MAF: variants seen among roughly 807,000 people sequenced by gnomAD.
MAF encodes transcription factor Maf.
Under a neutral mutation model 22.0 loss-of-function variants are expected in MAF, and 10 were observed. The ratio of observed to expected loss-of-function variants is 0.45; its 90% CI spans 0.28 to 0.77. The LOEUF (loss-of-function observed/expected upper bound fraction) is 0.77, where lower values mean the gene tolerates loss of function less well. Among genes scored for constraint, MAF ranks in the 30% least tolerant of loss-of-function variants. The pLI, the probability that MAF is intolerant of heterozygous loss-of-function variation, is 0.12. For missense variants in MAF, 544 were observed against 548.4 expected (o/e 0.99, Z 0.08); for synonymous variants, 337 against 255.8 (o/e 1.32, Z -3.03).
chr16:79,216,752 A>C, the MAF span, among the ~76,000 whole-genome samples: 1 of 151,794 alleles, frequency 6.6e-6, no homozygotes, highest in African/African-American at 2.4e-5. Flanking sequence ...CTCTGTGTAC[A>C]TATATGTGTG....
the MAF span, among the ~76,000 whole-genome samples, chr16:79,580,314 G>C: frequency 1.3e-5 from 2 of 152,144 alleles, no homozygotes; most frequent in African/African-American, 4.8e-5. Flanking sequence ...TTGTCAGGAT[G>C]CTACCAAGTG....
At chr16:79,416,188 G>A in the MAF span, among the ~76,000 whole-genome samples, 2 of 152,104 alleles carry the variant, frequency 1.3e-5, no homozygotes, top group African/African-American at 2.4e-5. Context: ...GTTAGACAAC[G>A]ACACCACCAG....
the MAF span, among the ~76,000 whole-genome samples, chr16:79,530,815 C>A: frequency 6.6e-6 from 1 of 152,220 alleles, no homozygotes; most frequent in East Asian, 1.9e-4. Flanking sequence ...TAATTGTTAT[C>A]CTGGAGATAG....
downstream of MAF, among the ~76,000 whole-genome samples, chr16:79,590,570 C>A (rs1445224153): frequency 6.6e-6 from 1 of 152,098 alleles, no homozygotes; most frequent in East Asian, 1.9e-4. Context: ...TGGGATTGGA[C>A]AGGAGTCAGG....
At chr16:79,522,603 G>C in the MAF span, among the ~76,000 whole-genome samples, 1 of 152,188 alleles carries the variant, frequency 6.6e-6, no homozygotes, top group African/African-American at 2.4e-5. Context: ...AAGCCAGGGA[G>C]ACAAATGCAT....
chr16:79,523,802 C>A, the MAF span, among the ~76,000 whole-genome samples: 1 of 152,170 alleles, frequency 6.6e-6, no homozygotes, highest in Non-Finnish European at 1.5e-5. Flanking sequence ...GCATCGTTAT[C>A]CAGCAAAGCC....
At chr16:79,313,928 C>G in the MAF span, among the ~76,000 whole-genome samples, 1 of 152,288 alleles carries the variant, frequency 6.6e-6, no homozygotes, top group East Asian at 1.9e-4. Context: ...GGACTAGCAC[C>G]TACGTTCACA....
chr16:79,332,420 C>G, the MAF span, among the ~76,000 whole-genome samples: 1 of 152,176 alleles, frequency 6.6e-6, no homozygotes, highest in African/African-American at 2.4e-5. Flanking sequence ...CGTGCCTCAG[C>G]CTCCCGAGTA....
chr16:79,548,019 C>T, the MAF span, among the ~76,000 whole-genome samples: 2 of 152,084 alleles, frequency 1.3e-5, no homozygotes, highest in African/African-American at 2.4e-5. Flanking sequence ...AACAGGTTCA[C>T]ACACACAAAA....
the MAF span, among the ~76,000 whole-genome samples, chr16:79,576,562 C>A: frequency 3.4e-5 from 5 of 148,346 alleles, no homozygotes; most frequent in Admixed American, 2.0e-4. Context: ...TTTTTTTTTT[C>A]AGAGGAGGGC....
At chr16:79,258,446 G>C in the MAF span, among the ~76,000 whole-genome samples, 1 of 152,200 alleles carries the variant, frequency 6.6e-6, no homozygotes, top group Non-Finnish European at 1.5e-5. Flanking sequence ...TCCAGGGAGA[G>C]CCTTGTGGGG....
chr16:79,410,532 G>T, the MAF span, among the ~76,000 whole-genome samples: 11 of 152,122 alleles, frequency 7.2e-5, no homozygotes, highest in Non-Finnish European at 1.3e-4. Flanking sequence ...CGTGCCCTGC[G>T]CTGGGTACAT....
chr16:79,252,512 T>C, the MAF span, among the ~76,000 whole-genome samples: 1 of 152,048 alleles, frequency 6.6e-6, no homozygotes, highest in Non-Finnish European at 1.5e-5. Flanking sequence ...TTTTTCGAGA[T>C]AGAGTCTCAC....
At chr16:79,474,264 AT>A in the MAF span, among the ~76,000 whole-genome samples, 2 of 152,212 alleles carry the variant, frequency 1.3e-5, no homozygotes, top group African/African-American at 4.8e-5. Context: ...CGCATTTTGT[AT>A]TCGCCTCTTT....
At chr16:79,251,912 TG>T in the MAF span, among the ~76,000 whole-genome samples, 1 of 152,256 alleles carries the variant, frequency 6.6e-6, no homozygotes, top group African/African-American at 2.4e-5. Context: ...TGTGTGTGTT[TG>T]GTTATCAGTG....
chr16:79,422,066 C>T, the MAF span, among the ~76,000 whole-genome samples: 1 of 152,208 alleles, frequency 6.6e-6, no homozygotes, highest in African/African-American at 2.4e-5. Flanking sequence ...GTGTGAGCCA[C>T]CACGCCCAGC....
chr16:79,518,350 C>G, the MAF span, among the ~76,000 whole-genome samples: 1 of 152,208 alleles, frequency 6.6e-6, no homozygotes, highest in Non-Finnish European at 1.5e-5. Context: ...CTCTGGGCAT[C>G]TCAACAGTGA....
At chr16:79,218,696 T>A in the MAF span, among the ~76,000 whole-genome samples, 1 of 152,236 alleles carries the variant, frequency 6.6e-6, no homozygotes, top group Admixed American at 6.5e-5. Context: ...GTATAAGCAT[T>A]CTGTCTTTCA....
the MAF span, among the ~76,000 whole-genome samples, chr16:79,568,473 A>C: frequency 1.3e-5 from 2 of 152,160 alleles, no homozygotes; most frequent in South Asian, 2.1e-4. Flanking sequence ...GTGAGTCTGA[A>C]GGTCTTTTAT....
Sources: gnomAD v4.1 joint callset for allele counts (sites outside exome capture counted in the v4.1 genomes callset) on GRCh38, gnomAD v4.1.1 for gene constraint, MANE v1.5 for transcripts, NCBI Gene and HGNC (gene_info 2026-07-23, HGNC 2026-07-21) for gene names.